Variants in LINGO1 observed in about 807,000 individuals in gnomAD.
The protein encoded by LINGO1 is leucine rich repeat and Ig domain containing 1, also known as leucine-rich repeat and immunoglobulin-like domain-containing nogo receptor-interacting protein 1.
In LINGO1, 11 loss-of-function variants were observed where a neutral mutation model predicts 37.3. The observed-to-expected ratio is 0.29, with a 90% CI of 0.19 to 0.49. LINGO1 has a LOEUF of 0.49. LINGO1 is among the 20% of genes least tolerant of loss of function. The pLI, the probability that LINGO1 is intolerant of heterozygous loss-of-function variation, is 0.99. For synonymous variants in LINGO1, 387 were observed against 403.0 expected (o/e 0.96, Z 0.48); for missense variants, 585 against 878.2 (o/e 0.67, Z 4.22).
upstream of LINGO1, among the ~76,000 whole-genome samples, chr15:77,699,721 A>AGTT (rs1567532188): frequency 3.8e-4 from 1 of 2,642 alleles, no homozygotes; most frequent in African/African-American, 1.4e-3. Context: ...TCCCACACAC[A>AGTT]ATAAGCACAT....
At chr15:77,620,469 C>T (rs539565065) in intron 1 of LINGO1, among the ~76,000 whole-genome samples, 1 of 152,348 alleles carries the variant, frequency 6.6e-6, no homozygotes, top group Non-Finnish European at 1.5e-5. Context: ...CGGCCACACC[C>T]TCCTTCATGT....
intron 1 of LINGO1, among the ~76,000 whole-genome samples, chr15:77,762,312 G>A (rs1003978941): frequency 6.6e-6 from 1 of 152,232 alleles, no homozygotes; most frequent in Non-Finnish European, 1.5e-5. Flanking sequence ...ACATGTGTTT[G>A]CTACGCTCAG....
At chr15:77,702,048 G>C (rs183473249) in intron 2 of LINGO1, among the ~76,000 whole-genome samples, 102 of 152,308 alleles carry the variant, frequency 6.7e-4, no homozygotes, top group African/African-American at 2.3e-3. Flanking sequence ...CAAGAGAACA[G>C]GTGTCACAGA....
At chr15:77,714,102 G>A (rs1316026213) in intron 2 of LINGO1, among the ~76,000 whole-genome samples, 1 of 152,152 alleles carries the variant, frequency 6.6e-6, no homozygotes, top group Non-Finnish European at 1.5e-5. Context: ...GCAGAAGGAG[G>A]TGGTCAAAAA....
At chr15:77,644,107 T>G (rs895205842) in intron 3 of LINGO1, among the ~76,000 whole-genome samples, 1 of 152,248 alleles carries the variant, frequency 6.6e-6, no homozygotes, top group Non-Finnish European at 1.5e-5. Flanking sequence ...GCATCTGCTT[T>G]GCGAATGTAT....
intron 1 of LINGO1, 27 bp from the exon 2 acceptor site, chr15:77,615,927 G>C: frequency 1.4e-6 from 2 of 1,441,506 alleles, no homozygotes; most frequent in Non-Finnish European, 1.8e-6. Context: ...GCACAGGACA[G>C]AGGTGGCGGT....
At chr15:77,789,707 G>A (rs1207823011), upstream of LINGO1, among the ~76,000 whole-genome samples, 1 of 152,180 alleles carries the variant, frequency 6.6e-6, no homozygotes, top group East Asian at 1.9e-4. Context: ...ACAAGCCAAG[G>A]AGAGAGGCCT....
At chr15:77,751,199 T>C (rs2076367921) in intron 1 of LINGO1, among the ~76,000 whole-genome samples, 1 of 151,220 alleles carries the variant, frequency 6.6e-6, no homozygotes, top group South Asian at 2.1e-4. Flanking sequence ...AAGAGGCCCC[T>C]CTCCCATTCA....
intron 1 of LINGO1, among the ~76,000 whole-genome samples, chr15:77,621,180 A>G (rs2142521861): frequency 1.3e-5 from 2 of 151,818 alleles, no homozygotes; most frequent in Non-Finnish European, 2.9e-5. Flanking sequence ...TCAGCCTCCC[A>G]GATAGCTGCG....
intron 2 of LINGO1, among the ~76,000 whole-genome samples, chr15:77,719,208 G>C (rs1406110978): frequency 6.7e-6 from 1 of 150,076 alleles, no homozygotes; most frequent in African/African-American, 2.4e-5. Context: ...AGGTTTGCCT[G>C]AGCCCCTCTG....
chr15:77,781,791 T>C (rs1022201994), intron 1 of LINGO1, among the ~76,000 whole-genome samples: 2 of 152,218 alleles, frequency 1.3e-5, no homozygotes, highest in Non-Finnish European at 2.9e-5. Context: ...TGCCGGTGTT[T>C]TCTGCCAGTC....
rs182336272 is a variant in LINGO1, at chr15:77,745,698, T to C, written c.-256-10645A>G. Among the ~76,000 whole-genome samples, 204 of 152,264 alleles carry C rather than the reference T, an allele frequency of 1.3e-3. 2 individuals are homozygous for C. The highest frequency in any genetic ancestry group is 4.8e-3 in the African/African-American group (200 of 41,522). ...ACCTCATACACAATTGCTCATCTCT[T>C]CCTCACAACCCTGGCAGGCAAGACC... On this transcript the variant is annotated intron_variant, in intron 1 of 3. Transcript: ENST00000561686.
At position 77,615,782 on chromosome 15, in the gene LINGO1, C is replaced by T. The variant is rs1402454351; in HGVS notation, c.125G>A (p.Cys42Tyr). ...GSVLSGSATG[C>Y]PPRCECSAQD... The stretch of plus-strand genomic sequence containing the variant: ...GGCGGAGCACTCGCAGCGGGGCGGG[C>T]AGCCCGTGGCCGAGCCTGACAGCAC... The change falls in exon 2 of 2, where the codon TGC (cysteine) becomes TAC (tyrosine). Residue 42 changes from cysteine (C) to tyrosine (Y), a missense_variant. Coordinates refer to ENST00000355300, the MANE Select transcript of LINGO1 (RefSeq NM_032808.7). 6.4e-7 allele frequency: 1 copy of T among 1,569,010 alleles called. No individual in the cohort carries two copies. Among genetic ancestry groups the T allele is most frequent in the East Asian group, 2.3e-5 (1 of 43,550 alleles).
chr15:77,640,563 C>A (rs1434950720), intron 3 of LINGO1, among the ~76,000 whole-genome samples: 3 of 152,190 alleles, frequency 2.0e-5, no homozygotes, highest in Non-Finnish European at 4.4e-5. Context: ...GGGTGAGCAA[C>A]TTCCCCAGGT....
At chr15:77,684,916 T>A (rs1298047551) in intron 2 of LINGO1, among the ~76,000 whole-genome samples, 2 of 151,916 alleles carry the variant, frequency 1.3e-5, no homozygotes, top group Non-Finnish European at 2.9e-5. Flanking sequence ...GGCAACAAGC[T>A]CGGGGTGGTG....
chr15:77,818,203 G>A (rs1015059968), intron 1 of LINGO1, among the ~76,000 whole-genome samples: 2 of 152,190 alleles, frequency 1.3e-5, no homozygotes, highest in African/African-American at 4.8e-5. Flanking sequence ...AAACAAGGAG[G>A]ATGAGGAACC....
rs181433364 is a variant in LINGO1 at position 77,780,811 on chromosome 15, G to A, written c.-257+6058C>T. ...CCATGTGAGGACACAGCAAGAAGGT[G>A]GCCATAGGCAAGCCAGGAAGAGAGC... is the stretch of plus-strand genomic sequence containing the variant. On this transcript the variant is annotated intron_variant, in intron 1 of 3. Coordinates refer to the LINGO1 transcript ENST00000561686. Among the ~76,000 whole-genome samples the A allele has an allele frequency of 5.0e-4, 75 of 150,852 alleles. No homozygotes were observed. The East Asian group carries it at 7.6e-3, about 15-fold the overall frequency.
intron 3 of LINGO1, chr15:77,648,112 C>T (rs544136897): frequency 2.8e-6 from 1 of 352,234 alleles, no homozygotes. Flanking sequence ...ATAGCTGGGG[C>T]CCTCAGGATC....
rs1427391713 is a variant in LINGO1, at chr15:77,776,481, GCA to G, written c.-257+10386_-257+10387del. 5.6e-3 allele frequency among the ~76,000 whole-genome samples: 742 copies of G among 131,478 alleles called. 7 individuals are homozygous for G. Among genetic ancestry groups the G allele is most frequent in the African/African-American group, 0.019 (632 of 32,550 alleles). The allele number at this position is 131,478 out of a possible 152,430, so 86.3% of individuals were successfully genotyped here. On this transcript the variant is annotated intron_variant, in intron 1 of 3. Transcript: ENST00000561686. ...GGCAGGAAGGCAGGAAGGCAGGAAG[GCA>G]GGAAAGCAGGAAGGCAGGAAGGCAG...
Sources: allele counts gnomAD v4.1 joint callset (sites outside exome capture counted in the v4.1 genomes callset), GRCh38; gene constraint gnomAD v4.1.1; transcripts MANE v1.5; gene names NCBI Gene and HGNC (gene_info 2026-07-23, HGNC 2026-07-21).